The following CCDC141 variants were observed in gnomAD, a reference collection of about 807,000 sequenced individuals.
CCDC141 encodes coiled-coil domain containing 141.
Under a neutral mutation model 181.0 loss-of-function variants are expected in CCDC141, and 168 were observed. The observed-to-expected ratio is 0.93, with a 90% CI of 0.82 to 1.05. CCDC141 has a LOEUF of 1.05. Ranked by LOEUF, CCDC141 falls within the 50% of genes least tolerant of loss-of-function variation. CCDC141 has a pLI of 0.00. For synonymous variants in CCDC141, 666 were observed against 642.3 expected (o/e 1.04, Z -0.56); for missense variants, 1,902 against 1,788.5 (o/e 1.06, Z -1.14).
intron 5 of CCDC141, among the ~76,000 whole-genome samples, chr2:178,949,665 G>GAA (rs2154377778): frequency 6.6e-6 from 1 of 152,306 alleles, no homozygotes; most frequent in Non-Finnish European, 1.5e-5. Context: ...GGGGCTCCGT[G>GAA]AAAATAGTTC....
chr2:179,045,414 G>T (rs1282689505), intron 2 of CCDC141, among the ~76,000 whole-genome samples: 2 of 151,512 alleles, frequency 1.3e-5, no homozygotes, highest in African/African-American at 4.9e-5. Context: ...GTCTATCATT[G>T]TTGGACATTT....
chr2:178,845,434 A>G (rs906665570), intron 22 of CCDC141, among the ~76,000 whole-genome samples, 192 bp downstream of exon 22: 1 of 152,210 alleles, frequency 6.6e-6, no homozygotes, highest in Non-Finnish European at 1.5e-5. Flanking sequence ...AGGAAACAGC[A>G]CAACAGAGAG....
At chr2:179,015,642 T>TAC (rs1681922941) in intron 2 of CCDC141, among the ~76,000 whole-genome samples, 1 of 141,580 alleles carries the variant, frequency 7.1e-6, no homozygotes. Flanking sequence ...ATATATCTCA[T>TAC]ATATATCTCA....
Position 178,878,300 on chromosome 2 carries a change from T to TTTTA in CCDC141, c.1720-161_1720-158dup, listed in dbSNP as rs10694831. Among the ~76,000 whole-genome samples, 49,239 of 142,636 alleles carry TTTTA rather than the reference T, an allele frequency of 0.35. 9,610 individuals carry two copies. Among genetic ancestry groups the TTTTA allele is most frequent in the East Asian group, 0.58 (2,885 of 4,952 alleles). 93.6% of individuals were successfully genotyped at this position (142,636 alleles called of 152,430 possible). On this transcript the variant is annotated intron_variant, in intron 11 of 23. Transcript: ENST00000443758. ...ATTTATTTATTTATTTATTTATTTA[T>TTTTA]TTTATTTATTTTAAGAGATAAGGTC...
In CCDC141 at chr2:179,015,065, GAGATATATATATATATATAT is replaced by G. The variant is rs1438299191; in HGVS notation, c.225+32199_225+32218del. ...GAGTGGATAAACTGTGAGAGAGACAGAGATATATATATATATATATATATATATATATATATATAATATAT... is the reference window on the plus strand; with the variant it reads ...GAGTGGATAAACTGTGAGAGAGACAGATATATATATATATATATAATATAT... On this transcript the variant is annotated intron_variant, in intron 2 of 23. Transcript: ENST00000443758. 4.6e-4 allele frequency among the ~76,000 whole-genome samples: 5 copies of G among 10,976 alleles called. 1 individual carries two copies. The highest frequency in any genetic ancestry group is 1.9e-3 in the Admixed American group (2 of 1,060). The allele number at this position is 10,976 out of a possible 152,430, so 7.2% of individuals were successfully genotyped here. A position where few individuals can be genotyped will look rare whatever the true frequency, so the allele number is the denominator to read the frequency against.
At chr2:178,893,108 A>C (rs931699915) in intron 8 of CCDC141, among the ~76,000 whole-genome samples, 2 of 152,166 alleles carry the variant, frequency 1.3e-5, no homozygotes, top group African/African-American at 4.8e-5. Context: ...TTTTCCAAGC[A>C]TCACAGACTG....
chr2:179,007,472 G>A (rs570770019), intron 2 of CCDC141, among the ~76,000 whole-genome samples: 45 of 152,228 alleles, frequency 3.0e-4, no homozygotes, highest in African/African-American at 9.1e-4. Flanking sequence ...GCTTTAAAAT[G>A]CATGTTACTT....
intron 6 of CCDC141, among the ~76,000 whole-genome samples, chr2:178,935,674 CT>C (rs915194208): frequency 2.2e-4 from 34 of 151,816 alleles, no homozygotes; most frequent in Admixed American, 1.3e-4. Flanking sequence ...GGTAGTTCTG[CT>C]TTTAGCTTTA....
At chr2:179,013,216 C>T (rs1315933834) in intron 2 of CCDC141, among the ~76,000 whole-genome samples, 1 of 152,086 alleles carries the variant, frequency 6.6e-6, no homozygotes, top group Non-Finnish European at 1.5e-5. Context: ...CCTTGAAAAT[C>T]CTAGGGACTC....
chr2:178,902,747 T>C (rs1385562213), intron 8 of CCDC141, among the ~76,000 whole-genome samples: 2 of 149,798 alleles, frequency 1.3e-5, no homozygotes, highest in Non-Finnish European at 2.9e-5. Context: ...AAAGTCAAAA[T>C]TGACAAATGG....
intron 6 of CCDC141, among the ~76,000 whole-genome samples, chr2:178,940,315 GA>G (rs1575243001): frequency 1.3e-5 from 2 of 152,168 alleles, no homozygotes; most frequent in African/African-American, 4.8e-5. Flanking sequence ...ATTGCAACTA[GA>G]AATTAGCATA....
intron 19 of CCDC141, among the ~76,000 whole-genome samples, chr2:178,854,349 C>T (rs1401411210): frequency 6.6e-6 from 1 of 152,012 alleles, no homozygotes; most frequent in African/African-American, 2.4e-5. Context: ...ACGGTGAAAC[C>T]CCATCTCTAC....
intron 2 of CCDC141, among the ~76,000 whole-genome samples, chr2:178,982,039 C>G (rs529246817): frequency 6.6e-6 from 1 of 151,920 alleles, no homozygotes; most frequent in East Asian, 1.9e-4. Context: ...AATTTGATAA[C>G]TGAGATGAAA....
chr2:178,902,680 C>G (rs1687759233), intron 8 of CCDC141, among the ~76,000 whole-genome samples: 1 of 151,572 alleles, frequency 6.6e-6, no homozygotes, highest in Non-Finnish European at 1.5e-5. Flanking sequence ...CATTACCATT[C>G]AGGACATAGG....
At chr2:178,925,444 A>G (rs1442560906) in intron 6 of CCDC141, among the ~76,000 whole-genome samples, 1 of 152,252 alleles carries the variant, frequency 6.6e-6, no homozygotes, top group Non-Finnish European at 1.5e-5. Context: ...GGCAAAATAC[A>G]ATTTGAAAAT....
rs532004797 is a variant in CCDC141 at position 178,986,999 on chromosome 2, C to T, written c.226-8324G>A. On this transcript the variant is annotated intron_variant, in intron 2 of 23. Transcript: ENST00000443758. Reference sequence around the variant, plus strand: ...GTTCATATGGAACCAAAAAAGAGCCCGCATCGCCAAGTCAATCCAAAGCCA... The same window carrying T: ...GTTCATATGGAACCAAAAAAGAGCCTGCATCGCCAAGTCAATCCAAAGCCA... 5.2e-3 allele frequency among the ~76,000 whole-genome samples: 795 copies of T among 152,022 alleles called. 8 individuals carry two copies. The highest frequency in any genetic ancestry group is 0.019 in the African/African-American group (767 of 41,458).
intron 6 of CCDC141, among the ~76,000 whole-genome samples, chr2:178,933,561 T>A (rs1054483112): frequency 3.3e-5 from 5 of 152,306 alleles, no homozygotes; most frequent in Non-Finnish European, 7.4e-5. Flanking sequence ...ATTAATAACC[T>A]CCATCTCGAA....
intron 2 of CCDC141, among the ~76,000 whole-genome samples, chr2:179,006,050 G>C (rs1286312054): frequency 1.3e-5 from 2 of 152,152 alleles, no homozygotes; most frequent in Non-Finnish European, 2.9e-5. Flanking sequence ...AGCCAGCCTA[G>C]CTCTCAGTCC....
intron 2 of CCDC141, among the ~76,000 whole-genome samples, chr2:179,043,627 C>G (rs1009847779): frequency 3.3e-5 from 5 of 152,234 alleles, no homozygotes; most frequent in South Asian, 2.1e-4. Context: ...ATTCAACATC[C>G]CTTCATGTTA....
Sources: allele counts gnomAD v4.1 joint callset (sites outside exome capture counted in the v4.1 genomes callset), GRCh38; gene constraint gnomAD v4.1.1; transcripts MANE v1.5; gene names NCBI Gene and HGNC (gene_info 2026-07-23, HGNC 2026-07-21).